Variants in KHDRBS2 observed in about 807,000 individuals in gnomAD.
KHDRBS2 encodes the protein KH RNA binding domain containing, signal transduction associated 2, also known as KH domain-containing, RNA-binding, signal transduction-associated protein 2.
KHDRBS2 carries 26 observed loss-of-function variants against 44.3 expected under a neutral mutation model. The ratio of observed to expected loss-of-function variants is 0.59; its 90% CI spans 0.43 to 0.81. The LOEUF is 0.81. Among genes scored for constraint, KHDRBS2 ranks in the 40% least tolerant of loss-of-function variants. KHDRBS2 has a pLI of 0.00. For missense variants in KHDRBS2, 476 were observed against 433.1 expected (o/e 1.10, Z -0.88); for synonymous variants, 194 against 151.1 (o/e 1.28, Z -2.08).
intron 3 of KHDRBS2, among the ~76,000 whole-genome samples, chr6:61,982,513 T>C (rs1488205005): frequency 1.3e-5 from 2 of 151,436 alleles, no homozygotes; most frequent in Admixed American, 6.6e-5. Flanking sequence ...CTACTAAAAA[T>C]ACAAAAAATT....
intron 1 of KHDRBS2, among the ~76,000 whole-genome samples, chr6:62,215,029 G>C (rs1045414741): frequency 6.6e-6 from 1 of 151,706 alleles, no homozygotes; most frequent in African/African-American, 2.4e-5. Flanking sequence ...CAACAGTTTT[G>C]TTGAATTTTC....
intron 5 of KHDRBS2, among the ~76,000 whole-genome samples, chr6:61,895,725 G>A (rs1188461068): frequency 6.6e-6 from 1 of 152,132 alleles, no homozygotes; most frequent in African/African-American, 2.4e-5. Flanking sequence ...TGTCTGAAAG[G>A]TTGGCCTCTA....
intron 6 of KHDRBS2, among the ~76,000 whole-genome samples, chr6:61,815,186 T>C (rs1303554025): frequency 6.6e-6 from 1 of 152,074 alleles, no homozygotes; most frequent in Non-Finnish European, 1.5e-5. Flanking sequence ...CTATGTTTTT[T>C]CCTTTACAGT....
At chr6:62,094,049 C>T (rs763188966) in intron 2 of KHDRBS2, among the ~76,000 whole-genome samples, 5 of 151,700 alleles carry the variant, frequency 3.3e-5, no homozygotes, top group South Asian at 2.1e-4. Flanking sequence ...TACCCAGTAG[C>T]GGGATTGCTA....
intron 1 of KHDRBS2, among the ~76,000 whole-genome samples, chr6:62,272,274 T>G (rs1019964950): frequency 3.9e-5 from 6 of 152,122 alleles, no homozygotes; most frequent in Non-Finnish European, 8.8e-5. Flanking sequence ...GTTCACACAA[T>G]GATGAAATCG....
At chr6:61,543,168 G>T in the KHDRBS2 span, among the ~76,000 whole-genome samples, 1 of 151,838 alleles carries the variant, frequency 6.6e-6, no homozygotes, top group East Asian at 1.9e-4. Flanking sequence ...CTACAAAATG[G>T]ACAGACAACC....
rs553134942 is a variant in KHDRBS2, at chr6:61,936,973, T to A, written c.484-35602A>T. Among the ~76,000 whole-genome samples the A allele has an allele frequency of 4.6e-5, 7 of 152,200 alleles. No individual in the cohort carries two copies. In the South Asian group the frequency reaches 1.4e-3, roughly 31 times the overall value. On this transcript the variant is annotated intron_variant, in intron 4 of 8. Transcript: ENST00000281156. ...TAAATTATTTTTAGGACTTACTATGTTTATAGTTTTGAAATTTTTTTATAA... is the reference window on the plus strand; with the variant it reads ...TAAATTATTTTTAGGACTTACTATGATTATAGTTTTGAAATTTTTTTATAA...
intron 2 of KHDRBS2, among the ~76,000 whole-genome samples, chr6:62,061,009 T>C (rs1562754897): frequency 6.6e-6 from 1 of 151,954 alleles, no homozygotes; most frequent in Non-Finnish European, 1.5e-5. Context: ...TGCCTTTTTT[T>C]GTTTTCCATT....
At chr6:61,952,912 A>C (rs1765074711) in intron 4 of KHDRBS2, among the ~76,000 whole-genome samples, 1 of 152,000 alleles carries the variant, frequency 6.6e-6, no homozygotes, top group African/African-American at 2.4e-5. Flanking sequence ...CTCCATTCAC[A>C]TTCTGTCTTG....
the KHDRBS2 span, among the ~76,000 whole-genome samples, chr6:61,637,438 G>A: frequency 6.6e-6 from 1 of 152,006 alleles, no homozygotes; most frequent in African/African-American, 2.4e-5. Flanking sequence ...TATCATTGTT[G>A]GACATTTGGG....
the KHDRBS2 span, among the ~76,000 whole-genome samples, chr6:61,599,702 T>C: frequency 6.6e-6 from 1 of 152,204 alleles, no homozygotes; most frequent in Admixed American, 6.5e-5. Context: ...AAACCTTTCA[T>C]GGATGGGATT....
At chr6:62,180,399 A>G (rs962849994) in intron 1 of KHDRBS2, among the ~76,000 whole-genome samples, 6 of 151,954 alleles carry the variant, frequency 3.9e-5, no homozygotes, top group African/African-American at 1.4e-4. Context: ...ATATACTAGC[A>G]ACAAACTATC....
At chr6:62,178,928 AATTT>A (rs1821699049) in intron 1 of KHDRBS2, among the ~76,000 whole-genome samples, 1 of 151,512 alleles carries the variant, frequency 6.6e-6, no homozygotes, top group Admixed American at 6.6e-5. Flanking sequence ...GTTTCATATA[AATTT>A]ATTTATATTG....
chr6:62,092,758 T>C (rs1165259899), intron 2 of KHDRBS2, among the ~76,000 whole-genome samples: 2 of 152,154 alleles, frequency 1.3e-5, no homozygotes, highest in African/African-American at 4.8e-5. Flanking sequence ...AAGGGCAAGG[T>C]AATCACTTAA....
chr6:61,872,803 G>C (rs568983278), intron 6 of KHDRBS2, among the ~76,000 whole-genome samples: 1 of 152,052 alleles, frequency 6.6e-6, no homozygotes. Context: ...CAATTAAAAA[G>C]ATATGAAAAT....
intron 1 of KHDRBS2, among the ~76,000 whole-genome samples, chr6:62,196,712 T>A (rs1006316510): frequency 6.6e-6 from 1 of 152,108 alleles, no homozygotes; most frequent in Non-Finnish European, 1.5e-5. Flanking sequence ...CACAGGTAGA[T>A]GAGCTTGAGG....
the KHDRBS2 span, among the ~76,000 whole-genome samples, chr6:61,634,841 TA>T: frequency 2.2e-4 from 34 of 152,190 alleles, no homozygotes; most frequent in Middle Eastern, 3.4e-3. Context: ...TGTGGATACT[TA>T]AAAATTGCTT....
chr6:61,775,438 CAA>C (rs1468541212), intron 6 of KHDRBS2, among the ~76,000 whole-genome samples: 1 of 152,140 alleles, frequency 6.6e-6, no homozygotes, highest in Non-Finnish European at 1.5e-5. Context: ...GCAACTTCAG[CAA>C]AGTCTCAGGA....
intron 2 of KHDRBS2, among the ~76,000 whole-genome samples, chr6:62,099,281 C>T (rs1431152297): frequency 6.6e-6 from 1 of 152,104 alleles, no homozygotes; most frequent in East Asian, 1.9e-4. Context: ...TATGCCAGTC[C>T]TTCTAGAGAT....
Sources: gnomAD v4.1 joint callset for allele counts (sites outside exome capture counted in the v4.1 genomes callset) on GRCh38, gnomAD v4.1.1 for gene constraint, MANE v1.5 for transcripts, NCBI Gene and HGNC (gene_info 2026-07-23, HGNC 2026-07-21) for gene names.